Variants in NCAPG2 observed in about 807,000 individuals in gnomAD.
NCAPG2 encodes the protein non-SMC condensin II complex subunit G2.
Under a neutral mutation model 141.1 loss-of-function variants are expected in NCAPG2, and 53 were observed. The ratio of observed to expected loss-of-function variants is 0.38; its 90% CI spans 0.30 to 0.47. The LOEUF (loss-of-function observed/expected upper bound fraction) is 0.47, where lower values mean the gene tolerates loss of function less well. Among genes scored for constraint, NCAPG2 ranks in the 20% least tolerant of loss-of-function variants. The pLI, the probability that NCAPG2 is intolerant of heterozygous loss-of-function variation, is 0.99. For missense variants in NCAPG2, 1,087 were observed against 1,389.0 expected, an observed-to-expected ratio of 0.78 and a Z score of 3.46; for synonymous variants, 499 against 490.7, an observed-to-expected ratio of 1.02 and a Z score of -0.22.
intron 22 of NCAPG2, among the ~76,000 whole-genome samples, chr7:158,654,295 A>T (rs937030919): frequency 6.6e-6 from 1 of 152,178 alleles, no homozygotes; most frequent in African/African-American, 2.4e-5. Flanking sequence ...TCCCACACAG[A>T]TGCCAGGAAA....
intron 27 of NCAPG2, among the ~76,000 whole-genome samples, chr7:158,637,664 C>T (rs1023700366): frequency 1.5e-5 from 2 of 132,472 alleles, no homozygotes; most frequent in Non-Finnish European, 3.3e-5. Context: ...CCTCAGGTCC[C>T]ACAGAAGGCC....
Position 158,664,700 on chromosome 7 carries a change from A to G in NCAPG2, c.1530T>C (p.Asp510=). The change falls in exon 14 of 28, where the codon GAT becomes GAC. Residue 510 remains aspartate, a synonymous_variant. Transcript: ENST00000356309. ...CCAGGCGCCGAGACACAGGTCGAGA[A>G]TCAGTTTCCAGACGAACCAGAATGT... ...MEHILVRLET[D]SRPVSRRLVS... is the part of the protein sequence containing the mutation. 1.9e-6 allele frequency: 3 copies of G among 1,614,200 alleles called. No individual in the cohort carries two copies. Among genetic ancestry groups the G allele is most frequent in the Non-Finnish European group, 2.5e-6 (3 of 1,180,028 alleles).
chr7:158,666,738 G>A (rs1832973360), intron 13 of NCAPG2, among the ~76,000 whole-genome samples: 2 of 151,788 alleles, frequency 1.3e-5, no homozygotes, highest in South Asian at 4.2e-4. Context: ...GCCACCCTGG[G>A]CAACACAGGG....
At chr7:158,642,900 G>C (rs554870268) in intron 27 of NCAPG2, among the ~76,000 whole-genome samples, 28 of 152,216 alleles carry the variant, frequency 1.8e-4, no homozygotes, top group African/African-American at 6.7e-4. Context: ...TCAGCTTCCA[G>C]AGTAGCTGGG....
intron 17 of NCAPG2, among the ~76,000 whole-genome samples, chr7:158,657,035 A>C (rs1273917527): frequency 6.6e-6 from 1 of 152,196 alleles, no homozygotes; most frequent in East Asian, 1.9e-4. Flanking sequence ...TTTGTTTAGC[A>C]TCAAAATATT....
At chr7:158,694,764 G>A (rs1835341403) in intron 2 of NCAPG2, among the ~76,000 whole-genome samples, 1 of 151,932 alleles carries the variant, frequency 6.6e-6, no homozygotes, top group South Asian at 2.1e-4. Flanking sequence ...CTCCTCTCCT[G>A]CCCTGGTGTT....
chr7:158,662,993 T>C lies in NCAPG2; in HGVS notation c.1816-626A>G, dbSNP rs375909951. On this transcript the variant is annotated intron_variant, in intron 15 of 27. Coordinates refer to ENST00000356309, the MANE Select transcript of NCAPG2 (RefSeq NM_017760.7). ...ATGCTGATAGTGCACAGTACTCACC[T>C]GTTCACTGTAAACTACAAACACACT... Among the ~76,000 whole-genome samples, 6 of 152,254 alleles carry C rather than the reference T, an allele frequency of 3.9e-5. No homozygotes were observed. The East Asian group carries it at 1.2e-3, about 29-fold the overall frequency.
Position 158,680,872 on chromosome 7 carries a change from T to C in NCAPG2, c.925-56A>G, listed in dbSNP as rs1219673846. Reference sequence around the variant, plus strand: ...TTAACAAAAAAATAAATAAATAAAATAAAATGGCATTTGGAAAGAGCAACA... The same window carrying C: ...TTAACAAAAAAATAAATAAATAAAACAAAATGGCATTTGGAAAGAGCAACA... On this transcript the variant is annotated intron_variant, in intron 9 of 27. Transcript: ENST00000356309. 3 of 1,316,280 alleles carry C rather than the reference T, an allele frequency of 2.3e-6. No homozygotes were observed. The Admixed American group carries it at 6.3e-5, about 27-fold the overall frequency. The allele number at this position is 1,316,280 out of a possible 1,614,324, so 81.5% of individuals were successfully genotyped here.
intron 8 of NCAPG2, among the ~76,000 whole-genome samples, chr7:158,683,958 C>T (rs1834599436): frequency 6.6e-6 from 1 of 152,164 alleles, no homozygotes. Flanking sequence ...CTAAGAGTAG[C>T]AAAAAACCCC....
chr7:158,698,478 C>A (rs138684721), intron 2 of NCAPG2, among the ~76,000 whole-genome samples: 1 of 152,200 alleles, frequency 6.6e-6, no homozygotes, highest in South Asian at 2.1e-4. Flanking sequence ...TAGACACACA[C>A]CATTGTGTTA....
intron 15 of NCAPG2, among the ~76,000 whole-genome samples, chr7:158,662,728 C>T (rs530929711): frequency 1.3e-5 from 2 of 152,294 alleles, no homozygotes; most frequent in Admixed American, 6.5e-5. Context: ...CTTTTCACCA[C>T]AAATCTCGAT....
At chr7:158,672,018 C>A (rs1047826768) in intron 12 of NCAPG2, among the ~76,000 whole-genome samples, 1 of 152,008 alleles carries the variant, frequency 6.6e-6, no homozygotes, top group Non-Finnish European at 1.5e-5. Flanking sequence ...TCTCCAAAGG[C>A]ACCAAGTCCA....
At chr7:158,666,319 T>G (rs1832931576) in intron 13 of NCAPG2, among the ~76,000 whole-genome samples, 1 of 152,134 alleles carries the variant, frequency 6.6e-6, no homozygotes, top group Non-Finnish European at 1.5e-5. Flanking sequence ...GGGTGGTTAC[T>G]TCTGACAGCG....
At chr7:158,698,077 G>A (rs910080488) in intron 2 of NCAPG2, among the ~76,000 whole-genome samples, 2 of 152,114 alleles carry the variant, frequency 1.3e-5, no homozygotes, top group African/African-American at 4.8e-5. Flanking sequence ...GTTGACCTAT[G>A]TAACAAACCT....
chr7:158,660,366 C>T (rs1381505462), intron 16 of NCAPG2, among the ~76,000 whole-genome samples: 11 of 142,508 alleles, frequency 7.7e-5, no homozygotes, highest in Non-Finnish European at 1.5e-4. Flanking sequence ...TGAAATAATG[C>T]TGGTTTCTCA....
At chr7:158,702,989 C>G (rs984195432) in intron 1 of NCAPG2, among the ~76,000 whole-genome samples, 1 of 152,176 alleles carries the variant, frequency 6.6e-6, no homozygotes, top group Admixed American at 6.5e-5. Flanking sequence ...TTTTTCTATG[C>G]TTAGATATGT....
At chr7:158,632,129 T>G (rs931634341) in intron 27 of NCAPG2, among the ~76,000 whole-genome samples, 1 of 152,200 alleles carries the variant, frequency 6.6e-6, no homozygotes, top group Non-Finnish European at 1.5e-5. Flanking sequence ...CCATGACATT[T>G]ACCTACTACC....
intron 27 of NCAPG2, among the ~76,000 whole-genome samples, chr7:158,642,092 A>G (rs1054994862): frequency 1.2e-4 from 18 of 152,250 alleles, no homozygotes; most frequent in Non-Finnish European, 2.5e-4. Flanking sequence ...AATAACAGAA[A>G]GCTGGAAAAA....
At chr7:158,698,239 T>C (rs1374411279) in intron 2 of NCAPG2, among the ~76,000 whole-genome samples, 1 of 152,222 alleles carries the variant, frequency 6.6e-6, no homozygotes, top group African/African-American at 2.4e-5. Flanking sequence ...CTAAGGTTAA[T>C]TTATTATTGA....
Sources: allele counts gnomAD v4.1 joint callset (sites outside exome capture counted in the v4.1 genomes callset), GRCh38; gene constraint gnomAD v4.1.1; transcripts MANE v1.5; gene names NCBI Gene and HGNC (gene_info 2026-07-23, HGNC 2026-07-21).